The following PCDHGA2 variants were observed in gnomAD, a reference collection of about 807,000 sequenced individuals.
PCDHGA2 encodes the protein protocadherin gamma-A2.
PCDHGA2 carries 40 observed loss-of-function variants against 59.2 expected under a neutral mutation model. The ratio of observed to expected loss-of-function variants is 0.68; its 90% CI spans 0.52 to 0.88. PCDHGA2 has a LOEUF of 0.88. Among genes scored for constraint, PCDHGA2 ranks in the 40% least tolerant of loss-of-function variants. The probability of loss-of-function intolerance (pLI) is 0.00; values close to 1 mark genes in which losing one functional copy is unlikely to be tolerated. For synonymous variants in PCDHGA2, 560 were observed against 526.0 expected, an observed-to-expected ratio of 1.06 and a Z score of -0.89; for missense variants, 1,226 against 1,204.0, an observed-to-expected ratio of 1.02 and a Z score of -0.27.
chr5:141,495,108 C>G (rs1304714928), intron 2 of PCDHGA2, among the ~76,000 whole-genome samples: 1 of 152,176 alleles, frequency 6.6e-6, no homozygotes, highest in Admixed American at 6.5e-5. Context: ...ACGACCGGCA[C>G]CTTTTCCTAT....
chr5:141,422,549 TGAA>T (rs1554114956), intron 1 of PCDHGA2: 8 of 1,614,026 alleles, frequency 5.0e-6, no homozygotes, highest in Non-Finnish European at 6.8e-6. Flanking sequence ...CATGTCTGGC[TGAA>T]TGTGGCAGAT....
At position 141,511,574 on chromosome 5, in the gene PCDHGA2, GT is replaced by G. The variant is rs1158598698; in HGVS notation, c.*403del. ...CAGTTCCTCTTTCCCGAGTAAGGTG[GT>G]TGGGGTGTTGAAGTACCAAGTAACC... On this transcript the variant is annotated 3_prime_UTR_variant, in exon 4 of 4. Coordinates refer to ENST00000394576, the MANE Select transcript of PCDHGA2 (RefSeq NM_018915.4). 3.5e-6 allele frequency: 1 copy of G among 287,556 alleles called. No individual in the cohort carries two copies. The highest frequency in any genetic ancestry group is 2.2e-5 in the African/African-American group (1 of 46,340). 17.8% of individuals were successfully genotyped at this position (287,556 alleles called of 1,614,324 possible).
chr5:141,375,516 A>G (rs757383072), intron 1 of PCDHGA2: 1 of 1,613,900 alleles, frequency 6.2e-7, no homozygotes, highest in East Asian at 2.2e-5. Flanking sequence ...AATGCACTGG[A>G]CCCTGACGTG....
intron 1 of PCDHGA2, chr5:141,392,820 G>C (rs1474865202): frequency 1.3e-6 from 2 of 1,592,748 alleles, no homozygotes; most frequent in Admixed American, 3.6e-5. Context: ...AACAATGGCC[G>C]CTCCACAGAG....
rs199936765 is a variant in PCDHGA2 at position 141,408,488 on chromosome 5, T to G, written c.2424+67093T>G. Reference sequence around the variant, plus strand: ...GAACCGAATAGACCGTGAGCAAATATGCAAAGAGAGAAGAAGATGTGAGTT... The same window carrying G: ...GAACCGAATAGACCGTGAGCAAATAGGCAAAGAGAGAAGAAGATGTGAGTT... On this transcript the variant is annotated intron_variant, in intron 1 of 3. Transcript: ENST00000394576. 8.1e-5 allele frequency: 130 copies of G among 1,614,012 alleles called. No individual in the cohort carries two copies. The Middle Eastern group carries it at 1.8e-3, about 23-fold the overall frequency.
At chr5:141,353,964 AC>A (rs1297694679) in intron 1 of PCDHGA2, among the ~76,000 whole-genome samples, 1 of 152,224 alleles carries the variant, frequency 6.6e-6, no homozygotes, top group Non-Finnish European at 1.5e-5. Context: ...AAGCTTAAGA[AC>A]TGATGTACTG....
intron 1 of PCDHGA2, chr5:141,478,233 T>G: frequency 6.2e-7 from 1 of 1,614,126 alleles, no homozygotes. Context: ...GTGGGGTTTG[T>G]GGTCACAGTG....
At chr5:141,366,041 G>C in intron 1 of PCDHGA2, 1 of 1,614,232 alleles carries the variant, frequency 6.2e-7, no homozygotes, top group Non-Finnish European at 8.5e-7. Flanking sequence ...CCCCACAGAC[G>C]GTTCCACGGG....
At chr5:141,399,641 C>G in intron 1 of PCDHGA2, 1 of 1,613,852 alleles carries the variant, frequency 6.2e-7, no homozygotes, top group Non-Finnish European at 8.5e-7. Context: ...TCCATGAGCG[C>G]GCAAAGTGGG....
chr5:141,356,446 T>C, intron 1 of PCDHGA2: 1 of 1,612,712 alleles, frequency 6.2e-7, no homozygotes, highest in Non-Finnish European at 8.5e-7. Flanking sequence ...GGAAGAAGTC[T>C]CAGAATATAA....
intron 1 of PCDHGA2, chr5:141,373,786 G>A: frequency 3.4e-6 from 1 of 289,890 alleles, no homozygotes; most frequent in Non-Finnish European, 6.3e-6. Flanking sequence ...AGATTTAGCA[G>A]AAATAAAATC....
At chr5:141,409,423 T>C in intron 1 of PCDHGA2, 1 of 1,614,026 alleles carries the variant, frequency 6.2e-7, no homozygotes. Flanking sequence ...TGGTGACAGA[T>C]GGAGCCCTGG....
intron 1 of PCDHGA2, chr5:141,393,093 G>T: frequency 2.5e-6 from 4 of 1,613,620 alleles, no homozygotes; most frequent in Non-Finnish European, 3.4e-6. Context: ...AGATCGGGAG[G>T]AGCTCTGCGC....
At chr5:141,427,526 G>A (rs956426158) in intron 1 of PCDHGA2, 2 of 612,866 alleles carry the variant, frequency 3.3e-6, no homozygotes, top group Middle Eastern at 2.6e-4. Context: ...AGCGGATCCC[G>A]GAGTACAACG....
intron 1 of PCDHGA2, among the ~76,000 whole-genome samples, chr5:141,425,059 G>A (rs1056925377): frequency 3.3e-5 from 5 of 152,110 alleles, no homozygotes; most frequent in Non-Finnish European, 7.4e-5. Flanking sequence ...CTAGGGCTCG[G>A]ACAAAAATAA....
chr5:141,500,433 T>A (rs1398344932), intron 2 of PCDHGA2, among the ~76,000 whole-genome samples: 17 of 151,882 alleles, frequency 1.1e-4, no homozygotes, highest in East Asian at 7.8e-4. Flanking sequence ...ATGGTCTCGA[T>A]CTCCTGACCT....
In PCDHGA2 at chr5:141,432,540, T is replaced by C. The variant is rs147884705; in HGVS notation, c.2425-62267T>C. The C allele has an allele frequency of 1.2e-6, 2 of 1,613,726 alleles. No homozygotes were observed. The highest frequency in any genetic ancestry group is 2.2e-5 in the South Asian group (2 of 91,058). On this transcript the variant is annotated intron_variant, in intron 1 of 3. Transcript: ENST00000394576. The surrounding 1 kb of genome is among the most constrained non-coding windows in gnomAD (Gnocchi z 6.0). ...TACCTGGTGACCAAGGTGGTGGCGG[T>C]GGACAGAGACTCCGGCCAGAACGCC...
chr5:141,481,312 T>C (rs953898526), intron 1 of PCDHGA2, among the ~76,000 whole-genome samples: 1 of 152,200 alleles, frequency 6.6e-6, no homozygotes, highest in Non-Finnish European at 1.5e-5. Flanking sequence ...AAAACCTTCC[T>C]AAAGCACTAG....
At chr5:141,367,861 G>A (rs1344780297) in intron 1 of PCDHGA2, 1 of 152,032 alleles carries the variant, frequency 6.6e-6, no homozygotes, top group Non-Finnish European at 1.5e-5. Context: ...GTTTCTTTAA[G>A]TGTAGGTGCA....
Sources: allele counts gnomAD v4.1 joint callset (sites outside exome capture counted in the v4.1 genomes callset), GRCh38; gene constraint gnomAD v4.1.1; non-coding constraint Gnocchi (gnomAD v3.1); transcripts MANE v1.5; gene names NCBI Gene and HGNC (gene_info 2026-07-23, HGNC 2026-07-21).